PKHD1: variants seen among roughly 807,000 people sequenced by gnomAD.
PKHD1 encodes fibrocystin.
Under a neutral mutation model 412.0 loss-of-function variants are expected in PKHD1, and 291 were observed. The observed-to-expected ratio is 0.71, with a 90% CI of 0.64 to 0.78. PKHD1 has a LOEUF of 0.78. PKHD1 is among the 30% of genes least tolerant of loss of function. The probability of loss-of-function intolerance (pLI) is 0.00; values close to 1 mark genes in which losing one functional copy is unlikely to be tolerated. For synonymous variants in PKHD1, 1,777 were observed against 1,821.5 expected (o/e 0.98, Z 0.62); for missense variants, 4,825 against 4,950.7 (o/e 0.97, Z 0.76).
intron 60 of PKHD1, among the ~76,000 whole-genome samples, chr6:51,665,851 C>G (rs1429960873): frequency 1.3e-5 from 2 of 152,092 alleles, no homozygotes; most frequent in South Asian, 2.1e-4. Flanking sequence ...GGGTCCACAG[C>G]CTTCTTAAAT....
chr6:51,801,358 A>G (rs1372906511), intron 52 of PKHD1, among the ~76,000 whole-genome samples: 1 of 152,192 alleles, frequency 6.6e-6, no homozygotes, highest in Non-Finnish European at 1.5e-5. Flanking sequence ...AGTTCTCTAG[A>G]GTTCATTCTC....
intron 27 of PKHD1, among the ~76,000 whole-genome samples, chr6:52,037,447 G>A (rs1033508829): frequency 6.6e-6 from 1 of 151,812 alleles, no homozygotes; most frequent in South Asian, 2.1e-4. Context: ...ATAATAAAGG[G>A]CAAATATCCT....
intron 27 of PKHD1, among the ~76,000 whole-genome samples, chr6:52,041,634 C>A (rs1056132108): frequency 6.6e-6 from 1 of 152,146 alleles, no homozygotes; most frequent in African/African-American, 2.4e-5. Context: ...AATTTCTACC[C>A]GCTTGGCATA....
chr6:51,971,706 GC>G (rs1793691916), intron 35 of PKHD1, among the ~76,000 whole-genome samples: 1 of 118,418 alleles, frequency 8.4e-6, no homozygotes, highest in East Asian at 2.3e-4. Context: ...GGTTTTTTTT[GC>G]TTTTTGTTTT....
At chr6:51,804,202 C>T (rs1320686148) in intron 52 of PKHD1, among the ~76,000 whole-genome samples, 1 of 151,188 alleles carries the variant, frequency 6.6e-6, no homozygotes, top group Non-Finnish European at 1.5e-5. Flanking sequence ...CTCATAACTA[C>T]CAAATGGCCA....
intron 53 of PKHD1, among the ~76,000 whole-genome samples, chr6:51,785,661 T>C (rs911093183): frequency 6.6e-6 from 1 of 152,198 alleles, no homozygotes; most frequent in African/African-American, 2.4e-5. Flanking sequence ...TTCAAGATAT[T>C]ATTTTCCTGT....
chr6:51,906,354 A>C lies in PKHD1; in HGVS notation c.6683-14T>G. On this transcript the variant is annotated splice_polypyrimidine_tract_variant and intron_variant, in intron 40 of 66. Coordinates refer to ENST00000371117, the MANE Select transcript of PKHD1 (RefSeq NM_138694.4). ...GTATGAAAGACTCTGAATAGGAAAG[A>C]GTAAAGTAAAAATTAGATATGGCTC... 1 of 1,607,994 alleles carries C rather than the reference A, an allele frequency of 6.2e-7. No homozygotes were observed. Among genetic ancestry groups the C allele is most frequent in the South Asian group, 1.1e-5 (1 of 90,956 alleles).
At chr6:51,758,915 T>G (rs1016201904) in intron 55 of PKHD1, among the ~76,000 whole-genome samples, 1 of 152,190 alleles carries the variant, frequency 6.6e-6, no homozygotes, top group African/African-American at 2.4e-5. Flanking sequence ...CACCTACAAC[T>G]TAAATGAATT....
intron 35 of PKHD1, among the ~76,000 whole-genome samples, chr6:51,964,759 GT>G (rs1792561437): frequency 6.6e-6 from 1 of 152,070 alleles, no homozygotes; most frequent in Non-Finnish European, 1.5e-5. Flanking sequence ...ACATTGAAAT[GT>G]TTTAATTTTT....
At chr6:51,818,110 T>C (rs1765772358) in intron 52 of PKHD1, among the ~76,000 whole-genome samples, 1 of 152,132 alleles carries the variant, frequency 6.6e-6, no homozygotes, top group African/African-American at 2.4e-5. Flanking sequence ...TTTCAGAGCA[T>C]TGCCGATGTT....
intron 60 of PKHD1, among the ~76,000 whole-genome samples, chr6:51,714,210 A>G (rs1043860586): frequency 2.6e-5 from 4 of 152,156 alleles, no homozygotes; most frequent in African/African-American, 7.2e-5. Context: ...TCTCTATGAA[A>G]AATACAAAAA....
intron 66 of PKHD1, among the ~76,000 whole-genome samples, chr6:51,621,497 T>C (rs982318615): frequency 6.6e-6 from 1 of 152,190 alleles, no homozygotes; most frequent in African/African-American, 2.4e-5. Flanking sequence ...GAAGATACTG[T>C]TATCTTGTTT....
intron 35 of PKHD1, among the ~76,000 whole-genome samples, chr6:52,002,927 C>G (rs765733913): frequency 2.4e-4 from 37 of 152,186 alleles, no homozygotes; most frequent in Non-Finnish European, 5.0e-4. Flanking sequence ...TGTGGTTTGC[C>G]TTTTAAACAG....
intron 60 of PKHD1, chr6:51,740,112 C>T (rs538347716): frequency 6.2e-6 from 3 of 482,590 alleles, no homozygotes; most frequent in East Asian, 5.8e-5. Flanking sequence ...CAGAAGATCA[C>T]CTGCTTGGCA....
At chr6:51,857,195 G>A (rs1369586868) in intron 48 of PKHD1, among the ~76,000 whole-genome samples, 5 of 131,126 alleles carry the variant, frequency 3.8e-5, no homozygotes, top group Non-Finnish European at 6.6e-5. Flanking sequence ...TGGACCTAAA[G>A]AAATAAAGCA....
chr6:51,961,357 G>A (rs183097384), intron 35 of PKHD1, among the ~76,000 whole-genome samples: 54 of 152,192 alleles, frequency 3.5e-4, no homozygotes, highest in African/African-American at 1.2e-3. Flanking sequence ...CAATTTATTC[G>A]TTTTCTACAT....
intron 60 of PKHD1, among the ~76,000 whole-genome samples, chr6:51,731,237 A>G (rs559072890): frequency 6.1e-4 from 93 of 152,242 alleles, no homozygotes; most frequent in Non-Finnish European, 1.1e-3. Context: ...GAGAAAAAAG[A>G]AATAAACTAA....
chr6:51,708,116 T>C (rs1254033239), intron 60 of PKHD1, among the ~76,000 whole-genome samples: 1 of 152,300 alleles, frequency 6.6e-6, no homozygotes, highest in East Asian at 1.9e-4. Context: ...ATATTCAATA[T>C]GTCTAAAACT....
chr6:52,014,608 G>A (rs1265696788), intron 34 of PKHD1, among the ~76,000 whole-genome samples: 1 of 151,862 alleles, frequency 6.6e-6, no homozygotes, highest in Non-Finnish European at 1.5e-5. Context: ...TGGATGGATG[G>A]ATGAATACAC....
Sources: allele counts gnomAD v4.1 joint callset (sites outside exome capture counted in the v4.1 genomes callset), GRCh38; gene constraint gnomAD v4.1.1; transcripts MANE v1.5; gene names NCBI Gene and HGNC (gene_info 2026-07-23, HGNC 2026-07-21).